HS6ST3: variants seen among roughly 807,000 people sequenced by gnomAD.
The protein encoded by HS6ST3 is heparan-sulfate 6-O-sulfotransferase 3.
Under a neutral mutation model 36.7 loss-of-function variants are expected in HS6ST3, and 12 were observed. That is an observed-to-expected ratio of 0.33 (90% CI 0.21 to 0.53). The LOEUF (loss-of-function observed/expected upper bound fraction) is 0.53, where lower values mean the gene tolerates loss of function less well. HS6ST3 is among the 20% of genes least tolerant of loss of function. HS6ST3 has a pLI of 0.95. For synonymous variants in HS6ST3, 240 were observed against 257.5 expected (o/e 0.93, Z 0.65); for missense variants, 584 against 640.9 (o/e 0.91, Z 0.96).
intron 1 of HS6ST3, among the ~76,000 whole-genome samples, chr13:96,623,620 A>G (rs1486174536): frequency 6.6e-6 from 1 of 151,866 alleles, no homozygotes; most frequent in Non-Finnish European, 1.5e-5. Flanking sequence ...ACTTTCTTAT[A>G]TCTCATTGGG....
intron 1 of HS6ST3, among the ~76,000 whole-genome samples, chr13:96,469,804 T>C (rs2055832244): frequency 6.6e-6 from 1 of 152,124 alleles, no homozygotes; most frequent in African/African-American, 2.4e-5. Flanking sequence ...AGTGGCAGGT[T>C]ATGGCAGTGA....
At chr13:96,177,225 G>C (rs1043568325) in intron 1 of HS6ST3, among the ~76,000 whole-genome samples, 8 of 152,174 alleles carry the variant, frequency 5.3e-5, no homozygotes, top group Admixed American at 1.3e-4. Flanking sequence ...ATTCCTCAAA[G>C]AGCCAAAAGC....
intron 1 of HS6ST3, among the ~76,000 whole-genome samples, chr13:96,153,195 T>A (rs2054095418): frequency 6.6e-6 from 1 of 152,180 alleles, no homozygotes; most frequent in East Asian, 1.9e-4. Flanking sequence ...TTGTCTATCT[T>A]AACATTTCCC....
At chr13:96,375,441 G>T (rs1025162208) in intron 1 of HS6ST3, among the ~76,000 whole-genome samples, 2 of 152,040 alleles carry the variant, frequency 1.3e-5, no homozygotes, top group African/African-American at 4.8e-5. Flanking sequence ...TGCCTAGAAG[G>T]GTATATAGAT....
chr13:96,141,261 G>T (rs1451507892), intron 1 of HS6ST3, among the ~76,000 whole-genome samples: 1 of 152,166 alleles, frequency 6.6e-6, no homozygotes, highest in Non-Finnish European at 1.5e-5. Context: ...CAACAAGAAT[G>T]CCTGGACAAT....
chr13:96,729,515 G>T (rs1158407614), intron 1 of HS6ST3, among the ~76,000 whole-genome samples: 5 of 152,112 alleles, frequency 3.3e-5, no homozygotes, highest in Non-Finnish European at 1.5e-5. Flanking sequence ...GGAGTGCAGT[G>T]GCCCGATCGT....
chr13:96,750,344 G>A (rs1033354770), intron 1 of HS6ST3, among the ~76,000 whole-genome samples: 5 of 152,214 alleles, frequency 3.3e-5, no homozygotes, highest in African/African-American at 9.6e-5. Flanking sequence ...GCAACCTTCC[G>A]TGACACTGAA....
chr13:96,206,650 G>A (rs969073224), intron 1 of HS6ST3, among the ~76,000 whole-genome samples: 9 of 152,032 alleles, frequency 5.9e-5, no homozygotes, highest in African/African-American at 2.2e-4. Flanking sequence ...TCAGAAATAA[G>A]ATCACACATC....
chr13:96,224,735 G>A (rs948685958), intron 1 of HS6ST3, among the ~76,000 whole-genome samples: 1 of 152,172 alleles, frequency 6.6e-6, no homozygotes, highest in Non-Finnish European at 1.5e-5. Context: ...TTAGAATTAG[G>A]CAGTGCTTGG....
At chr13:96,147,405 A>G (rs1326540688) in intron 1 of HS6ST3, among the ~76,000 whole-genome samples, 3 of 152,224 alleles carry the variant, frequency 2.0e-5, no homozygotes, top group Admixed American at 2.0e-4. Context: ...CTGAAGAGTC[A>G]CTAACCATCA....
intron 1 of HS6ST3, among the ~76,000 whole-genome samples, chr13:96,500,743 TC>T (rs1320214606): frequency 6.6e-6 from 1 of 152,212 alleles, no homozygotes; most frequent in African/African-American, 2.4e-5. Context: ...AAATTATCAC[TC>T]TGTGACATGT....
intron 1 of HS6ST3, among the ~76,000 whole-genome samples, chr13:96,737,983 A>G (rs1876330117): frequency 6.6e-6 from 1 of 152,130 alleles, no homozygotes; most frequent in Non-Finnish European, 1.5e-5. Context: ...AGGTTTACCC[A>G]CGTAGTCCAG....
chr13:96,334,383 C>T (rs532691532), intron 1 of HS6ST3, among the ~76,000 whole-genome samples: 12 of 152,118 alleles, frequency 7.9e-5, no homozygotes, highest in Admixed American at 1.3e-4. Context: ...AGATCCCTGA[C>T]GTCTCCCCAG....
chr13:96,441,228 A>T (rs958134153), intron 1 of HS6ST3, among the ~76,000 whole-genome samples: 1 of 152,118 alleles, frequency 6.6e-6, no homozygotes, highest in Non-Finnish European at 1.5e-5. Flanking sequence ...GCCTCCCAGT[A>T]TATGGTATTC....
At chr13:96,095,190 T>C (rs1384345200) in intron 1 of HS6ST3, among the ~76,000 whole-genome samples, 1 of 152,232 alleles carries the variant, frequency 6.6e-6, no homozygotes, top group African/African-American at 2.4e-5. Flanking sequence ...GTGTTTACTA[T>C]GGAAAGTGCA....
chr13:96,773,477 C>T (rs903578794), intron 1 of HS6ST3, among the ~76,000 whole-genome samples: 4 of 152,122 alleles, frequency 2.6e-5, no homozygotes, highest in African/African-American at 7.2e-5. Flanking sequence ...CTGGGACACT[C>T]GAGCTTGGTC....
chr13:96,141,252 A>G (rs2054030762), intron 1 of HS6ST3, among the ~76,000 whole-genome samples: 2 of 152,242 alleles, frequency 1.3e-5, no homozygotes, highest in South Asian at 4.1e-4. Flanking sequence ...TTAGTTGTAC[A>G]ACAAGAATGC....
At chr13:96,614,627 A>G (rs566291916) in intron 1 of HS6ST3, among the ~76,000 whole-genome samples, 33 of 152,348 alleles carry the variant, frequency 2.2e-4, no homozygotes, top group African/African-American at 7.7e-4. Context: ...TGAAAGTCCA[A>G]TTTATTACTA....
intron 1 of HS6ST3, among the ~76,000 whole-genome samples, chr13:96,341,443 T>G (rs547278920): frequency 6.6e-6 from 1 of 152,300 alleles, no homozygotes; most frequent in African/African-American, 2.4e-5. Flanking sequence ...GCAGCCCATA[T>G]ATAAATCAAT....
Sources: gnomAD v4.1 joint callset for allele counts (sites outside exome capture counted in the v4.1 genomes callset) on GRCh38, gnomAD v4.1.1 for gene constraint, MANE v1.5 for transcripts, NCBI Gene and HGNC (gene_info 2026-07-23, HGNC 2026-07-21) for gene names.